FOXP1: variants seen among roughly 807,000 people sequenced by gnomAD.
The protein encoded by FOXP1 is forkhead box protein P1.
A neutral mutation model predicts 98.2 loss-of-function variants in FOXP1; 15 were observed. The observed-to-expected ratio is 0.15, with a 90% confidence interval of 0.10 to 0.24. FOXP1 has a LOEUF of 0.24. Among genes scored for constraint, FOXP1 ranks in the 10% least tolerant of loss-of-function variants. The pLI is 1.00. For missense variants in FOXP1, 633 were observed against 848.5 expected (o/e 0.75, Z 3.15); for synonymous variants, 371 against 314.5 (o/e 1.18, Z -1.90).
chr3:71,579,632 C>CTTTTTTTTTTT (rs35646548), intron 2 of FOXP1, among the ~76,000 whole-genome samples: 6 of 123,000 alleles, frequency 4.9e-5, no homozygotes, highest in Non-Finnish European at 8.2e-5. Flanking sequence ...TTTCTTTTTT[C>CTTTTTTTTTTT]TTTTTTTTTT....
chr3:71,558,386 A>G (rs1433354368), intron 2 of FOXP1, among the ~76,000 whole-genome samples: 1 of 152,188 alleles, frequency 6.6e-6, no homozygotes, highest in African/African-American at 2.4e-5. Flanking sequence ...AATGACTTCT[A>G]TCTACTCACA....
At chr3:71,560,419 A>G (rs2046448517) in intron 2 of FOXP1, among the ~76,000 whole-genome samples, 1 of 152,216 alleles carries the variant, frequency 6.6e-6, no homozygotes, top group Admixed American at 6.5e-5. Flanking sequence ...AGTAGTGAGG[A>G]TGTGGAGACA....
intron 3 of FOXP1, among the ~76,000 whole-genome samples, chr3:71,408,471 G>C (rs561849987): frequency 1.3e-5 from 2 of 152,278 alleles, no homozygotes; most frequent in East Asian, 3.9e-4. Flanking sequence ...ATTGTGCCAT[G>C]AATGTCCAGC....
At chr3:71,199,097 T>C (rs929663809) in intron 5 of FOXP1, among the ~76,000 whole-genome samples, 3 of 144,618 alleles carry the variant, frequency 2.1e-5, no homozygotes, top group African/African-American at 7.8e-5. Flanking sequence ...AGGCACTATT[T>C]GTTGGTATTA....
intron 2 of FOXP1, among the ~76,000 whole-genome samples, chr3:71,558,865 C>A (rs549887381): frequency 7.5e-6 from 1 of 133,358 alleles, no homozygotes; most frequent in Non-Finnish European, 1.6e-5. Context: ...TGCACTGGTG[C>A]GATCTTGGCT....
At position 70,954,801 on chromosome 3, in the gene FOXP1, T is replaced by C. The variant is rs1280934224; in HGVS notation, c.*4446A>G. The C allele has an allele frequency of 4.3e-6, 1 of 231,790 alleles. No individual in the cohort carries two copies. The highest frequency in any genetic ancestry group is 8.5e-6 in the Non-Finnish European group (1 of 117,258). The allele number at this position is 231,790 out of a possible 1,614,324, so 14.4% of individuals were successfully genotyped here. ...TACTGACTACACAACATTTTTTTTA[T>C]TGTCTGTATCCGCAGACATGGAATG... On this transcript the variant is annotated 3_prime_UTR_variant, in exon 21 of 21. Coordinates refer to ENST00000649528, the MANE Select transcript of FOXP1 (RefSeq NM_001349338.3).
chr3:71,302,274 G>A (rs1302904247), intron 4 of FOXP1, among the ~76,000 whole-genome samples: 1 of 152,064 alleles, frequency 6.6e-6, no homozygotes, highest in African/African-American at 2.4e-5. Context: ...AAGAAAATTA[G>A]GGCTAGTACT....
chr3:71,479,794 T>A (rs1172083828), intron 3 of FOXP1, among the ~76,000 whole-genome samples: 1 of 152,098 alleles, frequency 6.6e-6, no homozygotes, highest in Non-Finnish European at 1.5e-5. Flanking sequence ...TAAGGACACA[T>A]GAACAACTAA....
chr3:71,415,863 T>A (rs2083174137), intron 3 of FOXP1, among the ~76,000 whole-genome samples: 1 of 152,182 alleles, frequency 6.6e-6, no homozygotes. Flanking sequence ...AGAAAACTGA[T>A]AAAATAAACC....
intron 2 of FOXP1, among the ~76,000 whole-genome samples, chr3:71,558,890 C>T (rs2046342843): frequency 6.7e-6 from 1 of 149,632 alleles, no homozygotes. Flanking sequence ...GCAACCTCTG[C>T]CTCCCGGGTT....
chr3:71,461,304 T>C (rs1345884009), intron 3 of FOXP1, among the ~76,000 whole-genome samples: 2 of 152,158 alleles, frequency 1.3e-5, no homozygotes, highest in African/African-American at 2.4e-5. Context: ...TCTCATTCCG[T>C]GTAAAAAGTC....
chr3:71,573,042 A>G (rs759312683), intron 2 of FOXP1, among the ~76,000 whole-genome samples: 9 of 152,158 alleles, frequency 5.9e-5, no homozygotes, highest in Non-Finnish European at 1.2e-4. Context: ...TCCAATATAA[A>G]ATCTATTCAT....
At chr3:71,066,440 C>T (rs2052521238) in intron 7 of FOXP1, among the ~76,000 whole-genome samples, 1 of 152,188 alleles carries the variant, frequency 6.6e-6, no homozygotes, top group South Asian at 2.1e-4. Flanking sequence ...TGACCCCACC[C>T]TCTCATGAAT....
intron 4 of FOXP1, among the ~76,000 whole-genome samples, chr3:71,356,368 GCTCCCAAGGCTGTA>G (rs1053243296): frequency 6.6e-6 from 1 of 152,134 alleles, no homozygotes; most frequent in African/African-American, 2.4e-5. Flanking sequence ...AGCAGGACAA[GCTCCCAAGGCTGTA>G]CTTGCATTTA....
chr3:71,045,967 C>A (rs2048980125), intron 10 of FOXP1, among the ~76,000 whole-genome samples: 1 of 152,174 alleles, frequency 6.6e-6, no homozygotes, highest in African/African-American at 2.4e-5. Context: ...GTTCAAAGAA[C>A]TGCTGCCCTT....
At chr3:71,209,629 T>C (rs907233318) in intron 5 of FOXP1, among the ~76,000 whole-genome samples, 2 of 152,344 alleles carry the variant, frequency 1.3e-5, no homozygotes, top group African/African-American at 4.8e-5. Flanking sequence ...AAGCCCAGAA[T>C]GAACAATAAG....
At chr3:71,505,838 G>A (rs1038679226) in intron 2 of FOXP1, among the ~76,000 whole-genome samples, 1 of 151,984 alleles carries the variant, frequency 6.6e-6, no homozygotes, top group African/African-American at 2.4e-5. Context: ...TCCCCTCCAC[G>A]AATGTCACCT....
chr3:70,966,413 T>C (rs2034789129), intron 19 of FOXP1: 2 of 326,658 alleles, frequency 6.1e-6, no homozygotes, highest in African/African-American at 2.1e-5. Flanking sequence ...TGAAATATAA[T>C]AGAATTTTTA....
At chr3:70,980,738 A>C (rs1398388681) in intron 14 of FOXP1, among the ~76,000 whole-genome samples, 1 of 152,202 alleles carries the variant, frequency 6.6e-6, no homozygotes, top group African/African-American at 2.4e-5. Flanking sequence ...AGCAAATATA[A>C]GGCAGTTACT....
Sources: allele counts gnomAD v4.1 joint callset (sites outside exome capture counted in the v4.1 genomes callset), GRCh38; gene constraint gnomAD v4.1.1; transcripts MANE v1.5; gene names NCBI Gene and HGNC (gene_info 2026-07-23, HGNC 2026-07-21).